FRK: variants seen among roughly 807,000 people sequenced by gnomAD.
The protein encoded by FRK is tyrosine-protein kinase FRK.
FRK carries 51 observed loss-of-function variants against 56.4 expected under a neutral mutation model. That is an observed-to-expected ratio of 0.90 (90% confidence interval 0.72 to 1.14). The LOEUF (loss-of-function observed/expected upper bound fraction) is 1.14. Ranked by LOEUF, FRK falls within the 50% of genes most tolerant of loss-of-function variation. The pLI is 0.00. For missense variants in FRK, 570 were observed against 601.4 expected (o/e 0.95, Z 0.55); for synonymous variants, 245 against 217.9 (o/e 1.12, Z -1.10).
chr6:116,079,765 C>T, the FRK span, among the ~76,000 whole-genome samples: 1 of 151,986 alleles, frequency 6.6e-6, no homozygotes, highest in Non-Finnish European at 1.5e-5. Context: ...TTTGTAGAGA[C>T]AGGGTCTTAC....
chr6:116,048,521 A>G (rs1777062937), intron 1 of FRK, among the ~76,000 whole-genome samples: 1 of 152,092 alleles, frequency 6.6e-6, no homozygotes, highest in African/African-American at 2.4e-5. Flanking sequence ...AGTAGCTGGG[A>G]TTACAGGCAA....
At chr6:116,040,621 T>C (rs982074215) in intron 1 of FRK, among the ~76,000 whole-genome samples, 4 of 152,150 alleles carry the variant, frequency 2.6e-5, no homozygotes, top group Non-Finnish European at 5.9e-5. Flanking sequence ...GCATATTTTA[T>C]TCAATAAATA....
At chr6:115,990,506 C>G (rs1313174086) in intron 2 of FRK, among the ~76,000 whole-genome samples, 1 of 151,832 alleles carries the variant, frequency 6.6e-6, no homozygotes, top group Non-Finnish European at 1.5e-5. Context: ...CACAATTTTC[C>G]CAGCACAATA....
chr6:116,034,442 C>T (rs962104915), intron 1 of FRK, among the ~76,000 whole-genome samples: 8 of 152,050 alleles, frequency 5.3e-5, no homozygotes, highest in African/African-American at 1.7e-4. Context: ...ACAAGTATTA[C>T]GATATGGAAT....
At chr6:115,953,849 A>T (rs1772887045) in intron 5 of FRK, among the ~76,000 whole-genome samples, 1 of 152,200 alleles carries the variant, frequency 6.6e-6, no homozygotes, top group Admixed American at 6.5e-5. Context: ...ATACTTTCTT[A>T]TGTGCCAGAC....
intron 1 of FRK, among the ~76,000 whole-genome samples, chr6:116,022,637 G>T (rs1775918884): frequency 6.6e-6 from 1 of 152,046 alleles, no homozygotes; most frequent in African/African-American, 2.4e-5. Context: ...ACTTAGCAAA[G>T]TTGAAATAGA....
chr6:116,100,723 G>C, the FRK span: 1 of 358,784 alleles, frequency 2.8e-6, no homozygotes, highest in Non-Finnish European at 4.9e-6. Flanking sequence ...GGCGGCGCAG[G>C]ACGCCCGCCG....
At chr6:116,070,743 C>G in the FRK span, among the ~76,000 whole-genome samples, 1 of 152,114 alleles carries the variant, frequency 6.6e-6, no homozygotes, top group African/African-American at 2.4e-5. Flanking sequence ...CCGTTTCTTA[C>G]TTATATATAC....
At chr6:116,094,742 A>G in the FRK span, among the ~76,000 whole-genome samples, 37 of 152,348 alleles carry the variant, frequency 2.4e-4, no homozygotes, top group Admixed American at 2.0e-3. Flanking sequence ...CAGAAAGGAA[A>G]GAGAGAAAGA....
intron 2 of FRK, among the ~76,000 whole-genome samples, chr6:115,985,794 T>C (rs1038627102): frequency 1.3e-5 from 2 of 151,868 alleles, no homozygotes; most frequent in Non-Finnish European, 2.9e-5. Flanking sequence ...ATGATGAAAC[T>C]GAGGCTCACG....
At chr6:116,014,244 AG>A (rs1235975415) in intron 1 of FRK, among the ~76,000 whole-genome samples, 1 of 152,208 alleles carries the variant, frequency 6.6e-6, no homozygotes, top group Non-Finnish European at 1.5e-5. Context: ...ATAAAGCAAA[AG>A]AAGGGTATAT....
chr6:116,066,512 A>T, the FRK span, among the ~76,000 whole-genome samples: 3 of 152,118 alleles, frequency 2.0e-5, no homozygotes, highest in Non-Finnish European at 4.4e-5. Context: ...ACAGCAACTT[A>T]TTCTCCAAAT....
At chr6:116,047,760 T>C (rs1002194031) in intron 1 of FRK, among the ~76,000 whole-genome samples, 2 of 152,224 alleles carry the variant, frequency 1.3e-5, no homozygotes, top group African/African-American at 4.8e-5. Flanking sequence ...CACTTCCTCC[T>C]GGAGGTTAGC....
At chr6:115,984,152 G>T (rs1774307254) in intron 2 of FRK, among the ~76,000 whole-genome samples, 1 of 151,966 alleles carries the variant, frequency 6.6e-6, no homozygotes, top group Non-Finnish European at 1.5e-5. Context: ...CATCCACTGT[G>T]TATCTACCTC....
At position 116,044,512 on chromosome 6, in the gene FRK, G is replaced by A. The variant is rs550479943; in HGVS notation, c.344+15456C>T. Among the ~76,000 whole-genome samples, 136 of 152,212 alleles carry A rather than the reference G, an allele frequency of 8.9e-4. 1 individual carries two copies. The highest frequency in any genetic ancestry group is 6.8e-3 in the Middle Eastern group (2 of 294). The stretch of plus-strand genomic sequence containing the variant: ...TGATTATCTCAATATATGCAGAAAA[G>A]TCCTTCAATAAAATTCAACACCCCT... On this transcript the variant is annotated intron_variant, in intron 1 of 7. Transcript: ENST00000606080.
intron 1 of FRK, among the ~76,000 whole-genome samples, chr6:116,009,079 CAG>C (rs953797923): frequency 2.0e-5 from 3 of 151,922 alleles, no homozygotes; most frequent in Non-Finnish European, 4.4e-5. Context: ...CAAAAAAAAA[CAG>C]AAGTGAGAGA....
chr6:116,031,822 T>C (rs1253796593), intron 1 of FRK, among the ~76,000 whole-genome samples: 1 of 152,120 alleles, frequency 6.6e-6, no homozygotes, highest in South Asian at 2.1e-4. Flanking sequence ...CTATGAAATA[T>C]GAAACAGCAG....
At chr6:116,022,813 A>C (rs1775927573) in intron 1 of FRK, among the ~76,000 whole-genome samples, 1 of 152,198 alleles carries the variant, frequency 6.6e-6, no homozygotes. Flanking sequence ...AATAAAACAA[A>C]AAAATAATAA....
intron 1 of FRK, among the ~76,000 whole-genome samples, chr6:116,021,437 A>T (rs945332945): frequency 6.6e-6 from 1 of 152,138 alleles, no homozygotes; most frequent in Non-Finnish European, 1.5e-5. Context: ...ATGGTTGATC[A>T]TTCAAAGGTT....
Sources: allele counts gnomAD v4.1 joint callset (sites outside exome capture counted in the v4.1 genomes callset), GRCh38; gene constraint gnomAD v4.1.1; transcripts MANE v1.5; gene names NCBI Gene and HGNC (gene_info 2026-07-23, HGNC 2026-07-21).